The following SNAP25 variants were observed in gnomAD, a reference collection of about 807,000 sequenced individuals.
SNAP25 encodes the protein synaptosome associated protein 25.
Under a neutral mutation model 28.7 loss-of-function variants are expected in SNAP25, and 3 were observed. That is an observed-to-expected ratio of 0.10 (90% CI 0.05 to 0.27). SNAP25 has a LOEUF of 0.27. SNAP25 is among the 10% of genes least tolerant of loss of function. The pLI is 1.00. For synonymous variants in SNAP25, 61 were observed against 88.1 expected (o/e 0.69, Z 1.72); for missense variants, 117 against 278.7 (o/e 0.42, Z 4.13).
chr20:10,223,356 T>C (rs994817246), intron 1 of SNAP25, among the ~76,000 whole-genome samples: 3 of 152,144 alleles, frequency 2.0e-5, no homozygotes, highest in Non-Finnish European at 4.4e-5. Flanking sequence ...AGTCAGTGGG[T>C]TCATGTAGAG....
chr20:10,246,334 G>A (rs2063126418), intron 1 of SNAP25, among the ~76,000 whole-genome samples: 1 of 152,202 alleles, frequency 6.6e-6, no homozygotes, highest in South Asian at 2.1e-4. Context: ...AGGGGAGAAG[G>A]TGGAGAGAGA....
At chr20:10,288,896 T>G (rs866343126) in intron 4 of SNAP25, among the ~76,000 whole-genome samples, 86 of 152,216 alleles carry the variant, frequency 5.6e-4, no homozygotes, top group African/African-American at 2.0e-3. Flanking sequence ...TGTCAACAGC[T>G]ATCTTAACTG....
intron 3 of SNAP25, among the ~76,000 whole-genome samples, chr20:10,278,711 C>A (rs1410691790): frequency 6.6e-6 from 1 of 151,934 alleles, no homozygotes; most frequent in Non-Finnish European, 1.5e-5. Context: ...ATTTCATATG[C>A]AACAACTTGA....
intron 1 of SNAP25, among the ~76,000 whole-genome samples, chr20:10,228,656 G>A (rs1437469936): frequency 1.3e-5 from 2 of 152,148 alleles, no homozygotes; most frequent in Non-Finnish European, 1.5e-5. Context: ...ATCTGTAAAA[G>A]GAGAGCAATT....
intron 5 of SNAP25, 98 bp from the exon 6 acceptor site, chr20:10,296,827 C>G: frequency 1.3e-6 from 2 of 1,571,542 alleles, no homozygotes; most frequent in Non-Finnish European, 1.7e-6. Context: ...ACTTAAAACT[C>G]ATTCGCTTGG....
chr20:10,227,391 G>A lies in SNAP25; in HGVS notation c.-64+8414G>A, dbSNP rs190007941. Among the ~76,000 whole-genome samples, 921 of 152,220 alleles carry A rather than the reference G, an allele frequency of 6.1e-3. 3 individuals carry two copies. The highest frequency in any genetic ancestry group is 0.011 in the Non-Finnish European group (723 of 67,982). On this transcript the variant is annotated intron_variant, in intron 1 of 7. Coordinates refer to ENST00000254976, the MANE Select transcript of SNAP25 (RefSeq NM_130811.4). ...CCATGTATGCAGGAAATAAGTGAGC[G>A]AATGGGGATACCAGCTACCCCTTTG... is the stretch of plus-strand genomic sequence containing the variant.
intron 5 of SNAP25, among the ~76,000 whole-genome samples, chr20:10,294,657 T>C (rs1224999533): frequency 6.6e-6 from 1 of 152,146 alleles, no homozygotes; most frequent in East Asian, 1.9e-4. Context: ...AAAGATTCAA[T>C]CAGGTCTTCT....
intron 1 of SNAP25, among the ~76,000 whole-genome samples, chr20:10,256,269 A>T (rs537734489): frequency 1.5e-4 from 23 of 152,354 alleles, no homozygotes; most frequent in African/African-American, 5.3e-4. Context: ...ATTACGAAGG[A>T]CCATTAATTA....
intron 1 of SNAP25, among the ~76,000 whole-genome samples, chr20:10,260,300 T>G (rs2063388390): frequency 6.6e-6 from 1 of 152,132 alleles, no homozygotes; most frequent in African/African-American, 2.4e-5. Flanking sequence ...AAATATTTCT[T>G]AGCAAGCAGA....
chr20:10,239,453 T>C (rs1216365870), intron 1 of SNAP25, among the ~76,000 whole-genome samples: 2 of 152,258 alleles, frequency 1.3e-5, no homozygotes, highest in African/African-American at 4.8e-5. Flanking sequence ...CACAATTGAA[T>C]TCTTTCTTGG....
In SNAP25 at chr20:10,218,852, A is replaced by G. The variant is rs1195362791; in HGVS notation, c.-189A>G. On this transcript the variant is annotated 5_prime_UTR_variant, in exon 1 of 8. Transcript: ENST00000254976. Reference sequence around the variant, plus strand: ...GCCATCTTTGATGAGGGCAGAGCTCACGTTGCATTGAAGACGAAACCTCGG... The same window carrying G: ...GCCATCTTTGATGAGGGCAGAGCTCGCGTTGCATTGAAGACGAAACCTCGG... 1.3e-5 allele frequency: 2 copies of G among 151,770 alleles called. No individual in the cohort carries two copies. The highest frequency in any genetic ancestry group is 6.6e-5 in the Admixed American group (1 of 15,206). 9.4% of individuals were successfully genotyped at this position (151,770 alleles called of 1,614,324 possible). A position where few individuals can be genotyped will look rare whatever the true frequency, so the allele number is the denominator to read the frequency against.
At chr20:10,266,674 C>T (rs2063511638) in intron 1 of SNAP25, among the ~76,000 whole-genome samples, 1 of 152,152 alleles carries the variant, frequency 6.6e-6, no homozygotes, top group African/African-American at 2.4e-5. Context: ...ATGGTAGCAA[C>T]ACTTATCTTC....
intron 1 of SNAP25, among the ~76,000 whole-genome samples, chr20:10,230,885 A>C (rs2062817733): frequency 1.3e-5 from 2 of 152,164 alleles, no homozygotes; most frequent in South Asian, 4.1e-4. Flanking sequence ...GAGCATTCAC[A>C]GAGTGAGGAC....
intron 1 of SNAP25, among the ~76,000 whole-genome samples, chr20:10,228,722 G>A (rs756807047): frequency 2.0e-5 from 3 of 152,138 alleles, no homozygotes; most frequent in Admixed American, 1.3e-4. Context: ...GCTAATGCTT[G>A]TGAAGTAGTT....
At chr20:10,292,798 T>C (rs1275076044) in intron 4 of SNAP25, 24 of 840,854 alleles carry the variant, frequency 2.9e-5, no homozygotes, top group Non-Finnish European at 4.2e-5. Context: ...TCTTTCAAAT[T>C]CTGTTTCACA....
intron 1 of SNAP25, among the ~76,000 whole-genome samples, chr20:10,251,040 C>T (rs1172663229): frequency 6.6e-6 from 1 of 152,142 alleles, no homozygotes; most frequent in Non-Finnish European, 1.5e-5. Context: ...GTATCCCCAT[C>T]GTTAAGTGAC....
intron 1 of SNAP25, among the ~76,000 whole-genome samples, chr20:10,234,678 T>C (rs2088478568): frequency 6.6e-6 from 1 of 152,202 alleles, no homozygotes; most frequent in Admixed American, 6.5e-5. Context: ...CCACAACTCT[T>C]TCCTATGAAT....
chr20:10,276,102 T>G (rs1346099200), intron 2 of SNAP25, among the ~76,000 whole-genome samples: 1 of 152,218 alleles, frequency 6.6e-6, no homozygotes, highest in Admixed American at 6.5e-5. Context: ...GGTATAATAA[T>G]GTGTTACCAT....
At chr20:10,241,046 G>A (rs1043600987) in intron 1 of SNAP25, among the ~76,000 whole-genome samples, 2 of 152,214 alleles carry the variant, frequency 1.3e-5, no homozygotes, top group Non-Finnish European at 2.9e-5. Context: ...CATGGAGCTG[G>A]GCAAGAGTCT....
Sources: gnomAD v4.1 joint callset for allele counts (sites outside exome capture counted in the v4.1 genomes callset) on GRCh38, gnomAD v4.1.1 for gene constraint, MANE v1.5 for transcripts, NCBI Gene and HGNC (gene_info 2026-07-23, HGNC 2026-07-21) for gene names.